The following PARP1 variants were observed in gnomAD, a reference collection of about 807,000 sequenced individuals.
PARP1 encodes poly [ADP-ribose] polymerase 1.
A neutral mutation model predicts 118.7 loss-of-function variants in PARP1; 44 were observed. The ratio of observed to expected loss-of-function variants is 0.37; its 90% CI spans 0.29 to 0.48. PARP1 has a LOEUF of 0.48. Among genes scored for constraint, PARP1 ranks in the 20% least tolerant of loss-of-function variants. The pLI is 0.99. For synonymous variants in PARP1, 492 were observed against 483.2 expected (o/e 1.02, Z -0.24); for missense variants, 1,100 against 1,272.4 (o/e 0.86, Z 2.06).
intron 14 of PARP1, among the ~76,000 whole-genome samples, chr1:226,373,839 C>T (rs1304673630): frequency 6.6e-6 from 1 of 152,050 alleles, no homozygotes; most frequent in Non-Finnish European, 1.5e-5. Context: ...AAGGGTGGGC[C>T]GGGCACGATG....
chr1:226,407,756 C>A (rs1665181836), intron 1 of PARP1, 54 bp downstream of exon 1: 1 of 1,538,020 alleles, frequency 6.5e-7, no homozygotes, highest in Non-Finnish European at 8.8e-7. Flanking sequence ...TTCCCGGACA[C>A]AGTTAACCCG....
At chr1:226,407,717 T>C (rs990669901) in intron 1 of PARP1, 93 bp downstream of exon 1, 47 of 1,076,742 alleles carry the variant, frequency 4.4e-5, no homozygotes, top group East Asian at 2.3e-4. Context: ...CCGGGCCCGC[T>C]CGCTCCCTGG....
rs773639480 is a variant in PARP1, at chr1:226,370,406, A to G, written c.2154+28T>C. The G allele has an allele frequency of 2.5e-6, 4 of 1,569,852 alleles. No individual in the cohort carries two copies. In the African/African-American group the frequency reaches 5.4e-5, roughly 21 times the overall value. On this transcript the variant is annotated intron_variant, in intron 15 of 22. Transcript: ENST00000366794. ...CCTAAGTCGGCCAGAGGAGGGTTCC[A>G]GGAGGCCCCTGGTAGCCCTGTGCTT... is the stretch of plus-strand genomic sequence containing the variant.
At chr1:226,387,618 T>A (rs925307758) in intron 5 of PARP1, among the ~76,000 whole-genome samples, 2 of 152,020 alleles carry the variant, frequency 1.3e-5, no homozygotes, top group Admixed American at 6.6e-5. Context: ...AATGGAGACA[T>A]GAGAGGATGA....
At position 226,379,991 on chromosome 1, in the gene PARP1, CTT is replaced by C. The variant is rs2102735476; in HGVS notation, c.1472_1473del (p.Glu491GlyfsTer29). 1.2e-6 allele frequency: 2 copies of C among 1,614,236 alleles called. No individual in the cohort carries two copies. Among genetic ancestry groups the C allele is most frequent in the East Asian group, 4.5e-5 (2 of 44,886 alleles). ...WGAEVKAEPV[E>X]VVAPRGKSGA... ...CCTGACTTCCCTCTTGGGGCCACAA[CTT>C]CAACAGGCTCTGCCTTCACCTCTGC... On this transcript the variant is annotated frameshift_variant, in exon 10 of 23. Transcript: ENST00000366794. LOFTEE classifies it high-confidence loss of function.
chr1:226,383,871 C>T (rs1454938250), intron 7 of PARP1, among the ~76,000 whole-genome samples: 1 of 152,240 alleles, frequency 6.6e-6, no homozygotes, highest in Non-Finnish European at 1.5e-5. Flanking sequence ...CCAGCTATGC[C>T]TGTGTTCAGG....
At chr1:226,400,272 C>A (rs560231742) in intron 2 of PARP1, among the ~76,000 whole-genome samples, 1 of 152,264 alleles carries the variant, frequency 6.6e-6, no homozygotes, top group East Asian at 1.9e-4. Context: ...GCACTCCAGC[C>A]TGGGCAACAG....
intron 15 of PARP1, 38 bp downstream of exon 15, chr1:226,370,396 G>A (rs1664357022): frequency 6.6e-7 from 1 of 1,504,398 alleles, no homozygotes; most frequent in Non-Finnish European, 9.3e-7. Context: ...GTCGGCCAGA[G>A]GAGGGTTCCA....
At chr1:226,365,763 T>C (rs1208511925) in intron 18 of PARP1, among the ~76,000 whole-genome samples, 191 bp downstream of exon 18, 1 of 131,282 alleles carries the variant, frequency 7.6e-6, no homozygotes, top group Admixed American at 7.7e-5. Context: ...TGAGACTCCA[T>C]GTCAAAAAAA....
rs893749449 is a variant in PARP1 at position 226,361,353 on chromosome 1, T to C, written c.*107A>G. 5 of 742,348 alleles carry C rather than the reference T, an allele frequency of 6.7e-6. No homozygotes were observed. Among genetic ancestry groups the C allele is most frequent in the African/African-American group, 5.2e-5 (3 of 57,690 alleles). The allele number at this position is 742,348 out of a possible 1,614,324, so 46.0% of individuals were successfully genotyped here. A position where few individuals can be genotyped will look rare whatever the true frequency, so the allele number is the denominator to read the frequency against. ...TAAAATCCTTTCTGAGGTGGTTTAG[T>C]ACAGGTACTACCCATCAGCAACTTA... is the stretch of plus-strand genomic sequence containing the variant. On this transcript the variant is annotated 3_prime_UTR_variant, in exon 23 of 23. Transcript: ENST00000366794.
chr1:226,361,971 G>C lies in PARP1; in HGVS notation c.2961C>G (p.Asn987Lys). 6.5e-7 allele frequency: 1 copy of C among 1,547,720 alleles called. No individual in the cohort carries two copies. The highest frequency in any genetic ancestry group is 8.9e-7 in the Non-Finnish European group (1 of 1,119,342). The change falls in exon 22 of 23, where the codon AAC (asparagine) becomes AAG (lysine). Residue 987 changes from asparagine (N) to lysine (K), a missense_variant and splice_region_variant. Physicochemically the swap from Asn to Lys is moderately conservative, Grantham distance 94 (BLOSUM62 0). Transcript: ENST00000366794. ...ACAGCATACTCAAGAAAGGATACTC[G>C]TTATATAGTAGAGAGGTGTCATTCA... The part of the protein sequence containing the change: ...SGVNDTSLLY[N>K]EYIVYDIAQV...
At chr1:226,386,529 C>G (rs1281056143) in intron 5 of PARP1, 87 bp from the exon 6 acceptor site, 1 of 869,804 alleles carries the variant, frequency 1.1e-6, no homozygotes, top group Admixed American at 1.7e-5. Flanking sequence ...TGCTGAGCCT[C>G]CAGTTATACC....
chr1:226,365,976 G>C lies in PARP1; in HGVS notation c.2483C>G (p.Ala828Gly). ...VKNTHATTHNAYDLEVIDIFK... is the reference protein window; with the variant it reads ...VKNTHATTHNGYDLEVIDIFK... ...TACATCGATGACTTCCAAGTCATACGCATTGTGTGTGGTTGCATGAGTGTT... is the reference window on the plus strand; with the variant it reads ...TACATCGATGACTTCCAAGTCATACCCATTGTGTGTGGTTGCATGAGTGTT... Residue 828 changes from alanine to glycine, a missense_variant, in exon 18 of 23, where the codon GCG becomes GGG. Ala to Gly is a moderately conservative substitution (Grantham distance 60). Transcript: ENST00000366794. 6.2e-7 allele frequency: 1 copy of C among 1,610,490 alleles called. No homozygotes were observed. The highest frequency in any genetic ancestry group is 1.1e-5 in the South Asian group (1 of 91,018).
chr1:226,388,772 A>G lies in PARP1; in HGVS notation c.618-17T>C, dbSNP rs747244265. On this transcript the variant is annotated splice_polypyrimidine_tract_variant and intron_variant, in intron 4 of 22. Transcript: ENST00000366794. ...TTTCTCTTTCTGAAGGAGACACAGG[A>G]TATGAGAGACAGCCAGAGCCATTAA... 6 of 1,589,020 alleles carry G rather than the reference A, an allele frequency of 3.8e-6. No homozygotes were observed. Among genetic ancestry groups the G allele is most frequent in the Non-Finnish European group, 3.5e-6 (4 of 1,157,360 alleles).
intron 18 of PARP1, 50 bp from the exon 19 acceptor site, chr1:226,365,204 T>C: frequency 6.3e-7 from 1 of 1,595,990 alleles, no homozygotes; most frequent in Non-Finnish European, 8.6e-7. Flanking sequence ...CATTTGTTAC[T>C]CTGGTTGACT....
At chr1:226,380,509 G>A (rs1023475974) in intron 9 of PARP1, among the ~76,000 whole-genome samples, 4 of 152,220 alleles carry the variant, frequency 2.6e-5, no homozygotes, top group African/African-American at 9.6e-5. Context: ...AACCCACACA[G>A]AAACCTGTTT....
At position 226,385,488 on chromosome 1, in the gene PARP1, T is replaced by C; in HGVS notation, c.1011+16A>G. 2 of 1,612,732 alleles carry C rather than the reference T, an allele frequency of 1.2e-6. No individual in the cohort carries two copies. The highest frequency in any genetic ancestry group is 3.4e-4 in the Middle Eastern group (2 of 5,840). ...TTTTCTCCCAACAGATCCCAGGATC[T>C]TCCCCTACCCCTTACCTTTGGGGTT... On this transcript the variant is annotated intron_variant, in intron 7 of 22. Transcript: ENST00000366794.
chr1:226,382,218 G>C (rs964990494), intron 8 of PARP1, among the ~76,000 whole-genome samples: 7 of 152,212 alleles, frequency 4.6e-5, no homozygotes, highest in African/African-American at 1.7e-4. Context: ...ATGTCTCTGA[G>C]TAAACAAGCA....
Position 226,385,537 on chromosome 1 carries a change from CTG to C in PARP1, c.976_977del (p.Gln326AspfsTer25). On this transcript the variant is annotated frameshift_variant, in exon 7 of 23. Coordinates refer to ENST00000366794, the MANE Select transcript of PARP1 (RefSeq NM_001618.4). LOFTEE classifies it high-confidence loss of function. The part of the protein sequence containing the change: ...TAWTKCMVKT[Q>X]TPNRKEWVTP... ...TTACCCACTCCTTCCGGTTGGGTGTCTGTGTCTTGACCATACACTTGGTCCAG... is the reference window on the plus strand; with the variant it reads ...TTACCCACTCCTTCCGGTTGGGTGTCTGTCTTGACCATACACTTGGTCCAG... 1 of 1,614,160 alleles carries C rather than the reference CTG, an allele frequency of 6.2e-7. No individual in the cohort carries two copies. The highest frequency in any genetic ancestry group is 8.5e-7 in the Non-Finnish European group (1 of 1,180,012).
Sources: gnomAD v4.1 joint callset for allele counts (sites outside exome capture counted in the v4.1 genomes callset) on GRCh38, gnomAD v4.1.1 for gene constraint, MANE v1.5 for transcripts, NCBI Gene and HGNC (gene_info 2026-07-23, HGNC 2026-07-21) for gene names.